KLF13: variants seen among roughly 807,000 people sequenced by gnomAD.
The protein encoded by KLF13 is KLF transcription factor 13.
Under a neutral mutation model 16.7 loss-of-function variants are expected in KLF13, and 8 were observed. That is an observed-to-expected ratio of 0.48 (90% CI 0.28 to 0.87). The LOEUF is 0.87. Among genes scored for constraint, KLF13 ranks in the 40% least tolerant of loss-of-function variants. KLF13 has a pLI of 0.10. For missense variants in KLF13, 447 were observed against 452.2 expected, an observed-to-expected ratio of 0.99 and a Z score of 0.10; for synonymous variants, 245 against 208.4, an observed-to-expected ratio of 1.18 and a Z score of -1.51.
rs1566838303 is a variant in KLF13, at chr15:31,402,874, C to CCA, written n.530-554_530-553insCA. Among the ~76,000 whole-genome samples the CCA allele has an allele frequency of 8.6e-5, 13 of 151,620 alleles. 1 individual carries two copies. In the South Asian group the frequency reaches 1.0e-3, roughly 12 times the overall value. ...TACTAAAATGTGGGGAAAAAAAAAA[C>CCA]AACTTTTAAGTGTTTGCCTTGGAGG... On this transcript the variant is annotated intron_variant and non_coding_transcript_variant, in intron 2 of 2. Transcript: ENST00000500533.
chr15:31,409,554 G>A (rs2040166868), downstream of KLF13, among the ~76,000 whole-genome samples: 1 of 151,668 alleles, frequency 6.6e-6, no homozygotes, highest in Non-Finnish European at 1.5e-5. Context: ...AGGAAAGAAG[G>A]AAGAGAGAAA....
chr15:31,430,185 C>T (rs897625723), intron 1 of KLF13, among the ~76,000 whole-genome samples: 1 of 151,924 alleles, frequency 6.6e-6, no homozygotes, highest in Non-Finnish European at 1.5e-5. Flanking sequence ...TCAAAGGACA[C>T]TATTAAGAGA....
intron 1 of KLF13, among the ~76,000 whole-genome samples, chr15:31,351,471 CTGAGTGGTT>C (rs2039215914): frequency 1.8e-5 from 1 of 55,302 alleles, no homozygotes; most frequent in East Asian, 3.9e-4. Context: ...CTAACCTGGT[CTGAGTGGTT>C]GCCCCGTGTG....
At chr15:31,353,941 C>G (rs1180110502) in intron 1 of KLF13, among the ~76,000 whole-genome samples, 2 of 152,234 alleles carry the variant, frequency 1.3e-5, no homozygotes, top group African/African-American at 4.8e-5. Context: ...CACAGCCCTG[C>G]CTAGCTTGAA....
At chr15:31,356,681 C>T (rs901922362) in intron 1 of KLF13, among the ~76,000 whole-genome samples, 2 of 152,216 alleles carry the variant, frequency 1.3e-5, no homozygotes, top group African/African-American at 2.4e-5. Context: ...GGTTGATTCA[C>T]GTTTCTCTGG....
chr15:31,372,402 A>G lies in KLF13; in HGVS notation c.*103A>G, dbSNP rs1179743432. 3.3e-5 allele frequency: 41 copies of G among 1,260,524 alleles called. No homozygotes were observed. Among genetic ancestry groups the G allele is most frequent in the South Asian group, 4.4e-5 (2 of 45,534 alleles). 78.1% of individuals were successfully genotyped at this position (1,260,524 alleles called of 1,614,324 possible). The stretch of plus-strand genomic sequence containing the variant: ...AGAGAACTTGATGCAAAGTCCACGA[A>G]AAAACAATTTTTTTCACCTCAGGTG... On this transcript the variant is annotated 3_prime_UTR_variant, in exon 2 of 2. Transcript: ENST00000307145.
At chr15:31,389,208 A>C (rs2039831069), upstream of KLF13, among the ~76,000 whole-genome samples, 1 of 152,184 alleles carries the variant, frequency 6.6e-6, no homozygotes, top group African/African-American at 2.4e-5. Flanking sequence ...TGAATACTAA[A>C]TATATTCTTT....
At chr15:31,328,061 G>A (rs2038752041) in intron 1 of KLF13, among the ~76,000 whole-genome samples, 1 of 145,942 alleles carries the variant, frequency 6.9e-6, no homozygotes, top group African/African-American at 2.5e-5. Context: ...GGCCGCGGGG[G>A]CGGATATAGT....
chr15:31,362,487 G>A (rs139020133), intron 1 of KLF13, among the ~76,000 whole-genome samples: 44 of 152,344 alleles, frequency 2.9e-4, no homozygotes, highest in African/African-American at 1.1e-3. Flanking sequence ...GGTAATATGA[G>A]GAACTGTGCT....
Position 31,327,532 on chromosome 15 carries a change from C to A in KLF13, c.320C>A (p.Ser107Tyr). 3.6e-6 allele frequency: 4 copies of A among 1,111,602 alleles called. No individual in the cohort carries two copies. The highest frequency in any genetic ancestry group is 9.9e-5 in the East Asian group (2 of 20,134). The allele number at this position is 1,111,602 out of a possible 1,614,324, so 68.9% of individuals were successfully genotyped here. Residue 107 changes from serine (S) to tyrosine (Y), a missense_variant, in exon 1 of 2, where the codon TCC becomes TAC. Ser to Tyr is a moderately radical substitution (Grantham distance 144). Coordinates refer to ENST00000307145, the MANE Select transcript of KLF13 (RefSeq NM_015995.4). ...CCGCCGCCCGCCCCCGAGCCCACCT[C>A]CCCCGGCGCCGAAGGCGCGGCGGCC... Reference protein sequence around the residue: ...RLPPPAPEPTSPGAEGAAAAP... With the variant: ...RLPPPAPEPTYPGAEGAAAAP...
In KLF13 at chr15:31,327,526, C is replaced by T. The variant is rs1185158666; in HGVS notation, c.314C>T (p.Pro105Leu). ...CGCCTGCCGCCGCCCGCCCCCGAGC[C>T]CACCTCCCCCGGCGCCGAAGGCGCG... ...PCRLPPPAPEPTSPGAEGAAA... is the reference protein window; with the variant it reads ...PCRLPPPAPELTSPGAEGAAA... The change falls in exon 1 of 2, where the codon CCC becomes CTC. Residue 105 changes from proline to leucine, a missense_variant. Physicochemically the swap from Pro to Leu is moderately conservative, Grantham distance 98. Coordinates refer to ENST00000307145, the MANE Select transcript of KLF13 (RefSeq NM_015995.4). 5.4e-6 allele frequency: 6 copies of T among 1,120,120 alleles called. No individual in the cohort carries two copies. The highest frequency in any genetic ancestry group is 6.5e-6 in the Non-Finnish European group (6 of 917,252). The allele number at this position is 1,120,120 out of a possible 1,614,324, so 69.4% of individuals were successfully genotyped here.
chr15:31,398,008 T>TTATCTTGGGTTTTACGCAGTCC (rs1186732684), intron 2 of KLF13, among the ~76,000 whole-genome samples: 1 of 151,990 alleles, frequency 6.6e-6, no homozygotes, highest in Non-Finnish European at 1.5e-5. Context: ...GACCCTGAGT[T>TTATCTTGGGTTTTACGCAGTCC]TATCTTGGGT....
chr15:31,401,231 C>T (rs1182817951), intron 2 of KLF13, among the ~76,000 whole-genome samples: 1 of 152,228 alleles, frequency 6.6e-6, no homozygotes, highest in Non-Finnish European at 1.5e-5. Flanking sequence ...AACTCCTGAC[C>T]TCAGGTGATC....
intron 1 of KLF13, among the ~76,000 whole-genome samples, chr15:31,416,441 A>T (rs2040258519): frequency 6.6e-6 from 1 of 152,202 alleles, no homozygotes; most frequent in African/African-American, 2.4e-5. Context: ...AAAGAATTAT[A>T]CACCATGACC....
chr15:31,427,104 T>A (rs1353424678), intron 1 of KLF13, among the ~76,000 whole-genome samples: 2 of 151,904 alleles, frequency 1.3e-5, no homozygotes, highest in South Asian at 4.2e-4. Context: ...CTTTCAGGAG[T>A]CTCCAGCTTG....
chr15:31,364,083 C>T (rs2039427026), intron 1 of KLF13, among the ~76,000 whole-genome samples: 1 of 110,518 alleles, frequency 9.0e-6, no homozygotes, highest in African/African-American at 3.4e-5. Context: ...CTTCACTGGC[C>T]AGTGATCAGC....
At chr15:31,383,528 C>CA (rs1332413698) in intron 1 of KLF13, among the ~76,000 whole-genome samples, 1 of 152,222 alleles carries the variant, frequency 6.6e-6, no homozygotes, top group Non-Finnish European at 1.5e-5. Flanking sequence ...GGGTCGCACT[C>CA]ACACTTTCAT....
intron 2 of KLF13, among the ~76,000 whole-genome samples, chr15:31,398,223 T>C (rs1566836078): frequency 6.6e-6 from 1 of 152,114 alleles, no homozygotes; most frequent in Non-Finnish European, 1.5e-5. Flanking sequence ...CCAACCCTAG[T>C]TGAAAGGAGC....
chr15:31,349,435 C>T (rs933047691), intron 1 of KLF13, among the ~76,000 whole-genome samples: 7 of 152,216 alleles, frequency 4.6e-5, no homozygotes, highest in Admixed American at 3.3e-4. Flanking sequence ...GCGCTGTCTT[C>T]GATGGAACAG....
Sources: gnomAD v4.1 joint callset for allele counts (sites outside exome capture counted in the v4.1 genomes callset) on GRCh38, gnomAD v4.1.1 for gene constraint, MANE v1.5 for transcripts, NCBI Gene and HGNC (gene_info 2026-07-23, HGNC 2026-07-21) for gene names.